NEK1: variants seen among roughly 807,000 people sequenced by gnomAD.
NEK1 encodes NIMA related kinase 1.
In NEK1, 137 loss-of-function variants were observed where a neutral mutation model predicts 182.1. That is an observed-to-expected ratio of 0.75 (90% CI 0.65 to 0.87). The LOEUF (loss-of-function observed/expected upper bound fraction) is 0.87. Among genes scored for constraint, NEK1 ranks in the 40% least tolerant of loss-of-function variants. The pLI is 0.00. For missense variants in NEK1, 1,391 were observed against 1,494.4 expected (o/e 0.93, Z 1.14); for synonymous variants, 513 against 492.2 (o/e 1.04, Z -0.56).
At chr4:169,574,865 A>C (rs192522652) in intron 12 of NEK1, among the ~76,000 whole-genome samples, 1 of 152,294 alleles carries the variant, frequency 6.6e-6, no homozygotes, top group Non-Finnish European at 1.5e-5. Flanking sequence ...TCAGGGACAA[A>C]CCAGGTTTTC....
intron 32 of NEK1, among the ~76,000 whole-genome samples, chr4:169,406,244 G>C (rs1732588875): frequency 6.6e-6 from 1 of 152,098 alleles, no homozygotes; most frequent in Non-Finnish European, 1.5e-5. Flanking sequence ...CTAGGTGATA[G>C]AGTGACACCC....
chr4:169,420,079 T>G (rs1430450493), intron 31 of NEK1, among the ~76,000 whole-genome samples: 2 of 152,166 alleles, frequency 1.3e-5, no homozygotes, highest in Admixed American at 1.3e-4. Flanking sequence ...TTTTCTGTCT[T>G]CAATAAATTA....
chr4:169,488,943 T>C (rs1422665878), intron 23 of NEK1, among the ~76,000 whole-genome samples: 1 of 152,186 alleles, frequency 6.6e-6, no homozygotes, highest in Non-Finnish European at 1.5e-5. Context: ...AGAGCAACAT[T>C]AGAGAATATG....
At chr4:169,472,597 C>T (rs1746208372) in intron 26 of NEK1, among the ~76,000 whole-genome samples, 1 of 152,138 alleles carries the variant, frequency 6.6e-6, no homozygotes, top group African/African-American at 2.4e-5. Context: ...CTGACACTTT[C>T]CCCCAACTTA....
intron 27 of NEK1, among the ~76,000 whole-genome samples, chr4:169,447,799 G>A (rs1003761213): frequency 2.8e-4 from 42 of 152,146 alleles, no homozygotes; most frequent in African/African-American, 9.2e-4. Context: ...AACCCGGGAG[G>A]TGGAGGCTGC....
At chr4:169,559,017 AAACT>A (rs1401023319) in intron 16 of NEK1, among the ~76,000 whole-genome samples, 1 of 152,210 alleles carries the variant, frequency 6.6e-6, no homozygotes, top group South Asian at 2.1e-4. Context: ...ATAAATATAG[AAACT>A]AACATAGAAT....
intron 23 of NEK1, among the ~76,000 whole-genome samples, chr4:169,502,634 G>T (rs1752600282): frequency 6.6e-6 from 1 of 151,916 alleles, no homozygotes; most frequent in East Asian, 1.9e-4. Flanking sequence ...AAAAGAATAT[G>T]ATCACCTCAA....
chr4:169,463,510 T>C, intron 26 of NEK1, 115 bp from the exon 27 acceptor site: 1 of 573,074 alleles, frequency 1.7e-6, no homozygotes, highest in Admixed American at 3.5e-5. Flanking sequence ...AAAAAGGTTA[T>C]ATCACAAAGA....
chr4:169,575,965 CTTTTTTGTTT>C (rs1561446463), intron 12 of NEK1, among the ~76,000 whole-genome samples: 1 of 150,288 alleles, frequency 6.7e-6, no homozygotes, highest in Non-Finnish European at 1.5e-5. Flanking sequence ...TTCTAAATTT[CTTTTTTGTTT>C]TTTTTTTTGA....
rs962442187 is a variant in NEK1 at position 169,516,436 on chromosome 4, T to C, written c.1666-7584A>G. On this transcript the variant is annotated intron_variant, in intron 19 of 35. Coordinates refer to ENST00000507142, the MANE Select transcript of NEK1 (RefSeq NM_001199397.3). ...TCAGATGAGTAGGTTGCGAAAATTT[T>C]CTCCCATGTTGTAGGTTGCCTGTTC... Among the ~76,000 whole-genome samples, 21 of 112,520 alleles carry C rather than the reference T, an allele frequency of 1.9e-4. 1 individual carries two copies. The highest frequency in any genetic ancestry group is 3.4e-4 in the Non-Finnish European group (20 of 58,110). The allele number at this position is 112,520 out of a possible 152,430, so 73.8% of individuals were successfully genotyped here.
At chr4:169,401,440 C>A (rs1306420650) in intron 33 of NEK1, among the ~76,000 whole-genome samples, 2 of 151,276 alleles carry the variant, frequency 1.3e-5, no homozygotes, top group Non-Finnish European at 1.5e-5. Flanking sequence ...AAAGCATTGA[C>A]ATAATAGGAA....
At chr4:169,513,132 T>A (rs1356885259) in intron 19 of NEK1, among the ~76,000 whole-genome samples, 1 of 152,158 alleles carries the variant, frequency 6.6e-6, no homozygotes, top group Non-Finnish European at 1.5e-5. Flanking sequence ...TTAAAAAATA[T>A]TTTCTGAGAT....
chr4:169,418,916 C>T (rs1012042768), intron 31 of NEK1, among the ~76,000 whole-genome samples: 1 of 151,970 alleles, frequency 6.6e-6, no homozygotes, highest in Non-Finnish European at 1.5e-5. Context: ...ACAGGATAAA[C>T]ACACACACAT....
intron 31 of NEK1, among the ~76,000 whole-genome samples, chr4:169,421,944 A>G (rs1735553352): frequency 6.6e-6 from 1 of 152,206 alleles, no homozygotes; most frequent in African/African-American, 2.4e-5. Context: ...AAAAACACAC[A>G]TTATTTTTAA....
chr4:169,431,750 T>C (rs2149405083), intron 29 of NEK1, among the ~76,000 whole-genome samples: 1 of 150,478 alleles, frequency 6.6e-6, no homozygotes, highest in South Asian at 2.1e-4. Context: ...GCACCAAAAT[T>C]AGACTCCGTC....
At chr4:169,473,494 G>A (rs1488734422) in intron 26 of NEK1, among the ~76,000 whole-genome samples, 1 of 151,958 alleles carries the variant, frequency 6.6e-6, no homozygotes, top group African/African-American at 2.4e-5. Flanking sequence ...ATATATACAT[G>A]TAACAAACCT....
intron 27 of NEK1, among the ~76,000 whole-genome samples, chr4:169,452,865 A>T (rs548572447): frequency 9.5e-4 from 145 of 151,986 alleles, no homozygotes; most frequent in Non-Finnish European, 1.5e-3. Context: ...GAAAAGAGGA[A>T]GTCAAATTGT....
chr4:169,427,230 C>T (rs555381483), intron 29 of NEK1, among the ~76,000 whole-genome samples: 93 of 149,596 alleles, frequency 6.2e-4, no homozygotes, highest in African/African-American at 2.2e-3. Flanking sequence ...GGGTTCACTC[C>T]ATTCTCCTGC....
chr4:169,603,678 T>A (rs1193188576), intron 2 of NEK1, among the ~76,000 whole-genome samples: 1 of 151,778 alleles, frequency 6.6e-6, no homozygotes, highest in Non-Finnish European at 1.5e-5. Flanking sequence ...ACCAGTGAAT[T>A]TGAAAAATTC....
Sources: allele counts gnomAD v4.1 joint callset (sites outside exome capture counted in the v4.1 genomes callset), GRCh38; gene constraint gnomAD v4.1.1; transcripts MANE v1.5; gene names NCBI Gene and HGNC (gene_info 2026-07-23, HGNC 2026-07-21).